Variants in ALG14 observed in about 807,000 individuals in gnomAD.
The protein encoded by ALG14 is UDP-N-acetylglucosamine transferase subunit ALG14.
Under a neutral mutation model 22.8 loss-of-function variants are expected in ALG14, and 17 were observed. The ratio of observed to expected loss-of-function variants is 0.75; its 90% confidence interval spans 0.51 to 1.12. The LOEUF (loss-of-function observed/expected upper bound fraction) is 1.12. Among genes scored for constraint, ALG14 ranks in the 50% most tolerant of loss-of-function variants. ALG14 has a pLI of 0.00. For missense variants in ALG14, 288 were observed against 271.8 expected (o/e 1.06, Z -0.42); for synonymous variants, 89 against 103.7 (o/e 0.86, Z 0.86).
At chr1:95,031,111 C>G (rs113633402) in intron 2 of ALG14, among the ~76,000 whole-genome samples, 3 of 152,136 alleles carry the variant, frequency 2.0e-5, no homozygotes, top group African/African-American at 7.2e-5. Context: ...CTACAGTGAC[C>G]AATCATCTAG....
intron 1 of ALG14, among the ~76,000 whole-genome samples, chr1:95,069,468 T>C (rs1375291915): frequency 1.3e-5 from 2 of 152,256 alleles, no homozygotes; most frequent in Admixed American, 6.5e-5. Flanking sequence ...AACTGACTCA[T>C]GTAACATGGC....
intron 3 of ALG14, among the ~76,000 whole-genome samples, chr1:94,985,725 G>T (rs1459862877): frequency 6.6e-6 from 1 of 152,172 alleles, no homozygotes; most frequent in African/African-American, 2.4e-5. Flanking sequence ...GACTGGCATT[G>T]CTGGGAGATG....
chr1:95,000,811 AAG>A lies in ALG14; in HGVS notation c.421-17507_421-17506del, dbSNP rs918828845. ...AAAAAAAAAAAAAAAGGAATGAAGA[AAG>A]AGAAAATCACCAAATTGAAGGTTCA... On this transcript the variant is annotated intron_variant, in intron 3 of 3. Transcript: ENST00000370205. Among the ~76,000 whole-genome samples, 306 of 151,450 alleles carry A rather than the reference AAG, an allele frequency of 2.0e-3. 2 individuals are homozygous for A. The highest frequency in any genetic ancestry group is 7.1e-3 in the African/African-American group (292 of 41,408).
intron 2 of ALG14, among the ~76,000 whole-genome samples, chr1:95,046,524 G>A (rs1257076016): frequency 6.6e-6 from 1 of 152,196 alleles, no homozygotes; most frequent in Non-Finnish European, 1.5e-5. Context: ...CCATGAACCT[G>A]GTCCCTGGTG....
chr1:94,991,838 A>G (rs1412338088), intron 3 of ALG14, among the ~76,000 whole-genome samples: 1 of 143,112 alleles, frequency 7.0e-6, no homozygotes, highest in Non-Finnish European at 1.5e-5. Context: ...AGGTGAACAA[A>G]AAGATTTTTT....
chr1:95,001,490 TTC>T (rs1557946447), intron 3 of ALG14, among the ~76,000 whole-genome samples: 1 of 152,172 alleles, frequency 6.6e-6, no homozygotes, highest in African/African-American at 2.4e-5. Context: ...TTTCTATGGC[TTC>T]TTTTTTTAAT....
intron 3 of ALG14, among the ~76,000 whole-genome samples, chr1:95,026,606 C>T (rs1673826564): frequency 6.6e-6 from 1 of 151,920 alleles, no homozygotes; most frequent in African/African-American, 2.4e-5. Context: ...CACACTGTCC[C>T]CAAACAATTA....
intron 2 of ALG14, among the ~76,000 whole-genome samples, chr1:95,057,463 G>A (rs1346216756): frequency 6.6e-6 from 1 of 151,558 alleles, no homozygotes; most frequent in Non-Finnish European, 1.5e-5. Context: ...TAATCTGAAG[G>A]TTATTTAAAG....
chr1:95,010,617 T>A (rs1043310480), intron 3 of ALG14, among the ~76,000 whole-genome samples: 1 of 152,126 alleles, frequency 6.6e-6, no homozygotes, highest in Non-Finnish European at 1.5e-5. Flanking sequence ...TTGTAGAAAT[T>A]GGTTATAGGT....
chr1:95,034,713 C>A (rs903358181), intron 2 of ALG14, among the ~76,000 whole-genome samples: 9 of 152,186 alleles, frequency 5.9e-5, no homozygotes, highest in African/African-American at 1.7e-4. Flanking sequence ...TGAGGAGCTG[C>A]TTTCCCCAAC....
chr1:94,995,556 TAC>T (rs1214237582), intron 3 of ALG14, among the ~76,000 whole-genome samples: 1 of 152,058 alleles, frequency 6.6e-6, no homozygotes, highest in Non-Finnish European at 1.5e-5. Flanking sequence ...CTACTAAAAA[TAC>T]AAAAATTAGC....
chr1:95,059,410 A>C (rs1286226546), intron 2 of ALG14, among the ~76,000 whole-genome samples: 5 of 119,238 alleles, frequency 4.2e-5, no homozygotes, highest in Admixed American at 1.6e-4. Flanking sequence ...AAAAAAAAAA[A>C]AAAAAAAAAA....
intron 3 of ALG14, among the ~76,000 whole-genome samples, chr1:94,994,957 TATTCGTCCTAAACAGGAAGA>T (rs1242936819): frequency 1.3e-5 from 2 of 152,048 alleles, no homozygotes; most frequent in Non-Finnish European, 2.9e-5. Context: ...GAAAAGGGAG[TATTCGTCCTAAACAGGAAGA>T]ACTGGCTTGA....
At chr1:95,031,312 G>T (rs1447207930) in intron 2 of ALG14, among the ~76,000 whole-genome samples, 1 of 152,202 alleles carries the variant, frequency 6.6e-6, no homozygotes, top group Non-Finnish European at 1.5e-5. Context: ...TATGGTGGGA[G>T]AATCTGCATC....
intron 3 of ALG14, among the ~76,000 whole-genome samples, chr1:94,991,598 G>C (rs1672775123): frequency 6.6e-6 from 1 of 152,204 alleles, no homozygotes; most frequent in South Asian, 2.1e-4. Flanking sequence ...CTCTAGGTGA[G>C]TCAGTGAGTG....
In ALG14 at chr1:94,975,034, G is replaced by C. The variant is rs1346728943; in HGVS notation, c.*8042C>G. ...CTACAGATACCATAAAATTCACCCAGTATACAATTCAGTGGCTTTTAGTAT... is the reference window on the plus strand; with the variant it reads ...CTACAGATACCATAAAATTCACCCACTATACAATTCAGTGGCTTTTAGTAT... On this transcript the variant is annotated 3_prime_UTR_variant, in exon 4 of 4. Coordinates refer to ENST00000370205, the MANE Select transcript of ALG14 (RefSeq NM_144988.4). The C allele has an allele frequency of 6.6e-6, 1 of 152,222 alleles. No homozygotes were observed. The highest frequency in any genetic ancestry group is 1.5e-5 in the Non-Finnish European group (1 of 68,054). The allele number at this position is 152,222 out of a possible 1,614,324, so 9.4% of individuals were successfully genotyped here.
At chr1:95,066,611 G>A (rs1476472129) in intron 1 of ALG14, among the ~76,000 whole-genome samples, 1 of 152,108 alleles carries the variant, frequency 6.6e-6, no homozygotes, top group East Asian at 1.9e-4. Flanking sequence ...CATAGATTTA[G>A]TGTGAATTTC....
chr1:94,999,321 A>C (rs1320929083), intron 3 of ALG14, among the ~76,000 whole-genome samples: 1 of 150,062 alleles, frequency 6.7e-6, no homozygotes, highest in Non-Finnish European at 1.5e-5. Flanking sequence ...TAAGTATCCA[A>C]TTAAATATTT....
chr1:95,048,185 T>C (rs1304500753), intron 2 of ALG14, among the ~76,000 whole-genome samples: 1 of 152,198 alleles, frequency 6.6e-6, no homozygotes, highest in Non-Finnish European at 1.5e-5. Flanking sequence ...ATAATGTTTA[T>C]TGGGAAAACA....
Sources: gnomAD v4.1 joint callset for allele counts (sites outside exome capture counted in the v4.1 genomes callset) on GRCh38, gnomAD v4.1.1 for gene constraint, MANE v1.5 for transcripts, NCBI Gene and HGNC (gene_info 2026-07-23, HGNC 2026-07-21) for gene names.